RMST: variants seen among roughly 807,000 people sequenced by gnomAD.
RMST encodes long intergenic non-protein coding RNA 54.
intron 5 of RMST, among the ~76,000 whole-genome samples, chr12:97,467,587 T>C (rs746036116): frequency 3.3e-5 from 5 of 152,034 alleles, no homozygotes; most frequent in Admixed American, 1.3e-4. Flanking sequence ...CATTATCCTC[T>C]CCTGATATGT....
At chr12:97,497,217 A>G (rs1374327020) in intron 10 of RMST, among the ~76,000 whole-genome samples, 2 of 152,200 alleles carry the variant, frequency 1.3e-5, no homozygotes, top group Non-Finnish European at 2.9e-5. Flanking sequence ...TTTTAGCAAG[A>G]AAAATATGAA....
chr12:97,490,952 G>T (rs1876727859), intron 5 of RMST, among the ~76,000 whole-genome samples: 1 of 152,114 alleles, frequency 6.6e-6, no homozygotes, highest in Non-Finnish European at 1.5e-5. Context: ...GAAAAACAAT[G>T]AGCTACTCCC....
intron 10 of RMST, among the ~76,000 whole-genome samples, chr12:97,516,965 A>G (rs1404704114): frequency 6.6e-6 from 1 of 152,024 alleles, no homozygotes; most frequent in Non-Finnish European, 1.5e-5. Flanking sequence ...TATGAGTTGT[A>G]TAGTCTTATG....
At chr12:97,516,294 T>C (rs1592721457) in intron 10 of RMST, among the ~76,000 whole-genome samples, 1 of 152,066 alleles carries the variant, frequency 6.6e-6, no homozygotes, top group East Asian at 1.9e-4. Context: ...TTGTAAACCA[T>C]GGCTTTGAAA....
At chr12:97,529,246 A>G (rs761971820) in intron 10 of RMST, among the ~76,000 whole-genome samples, 12 of 152,082 alleles carry the variant, frequency 7.9e-5, no homozygotes, top group Non-Finnish European at 1.5e-4. Flanking sequence ...CTTAGGTTGC[A>G]TCTAAATACA....
At chr12:97,537,690 G>GGTGA (rs1284143510) in intron 11 of RMST, among the ~76,000 whole-genome samples, 6 of 151,462 alleles carry the variant, frequency 4.0e-5, no homozygotes, top group Non-Finnish European at 8.9e-5. Context: ...ATACTAATTA[G>GGTGA]GTGAGACAGA....
chr12:97,503,934 C>G (rs988208074), intron 10 of RMST, among the ~76,000 whole-genome samples: 6 of 150,638 alleles, frequency 4.0e-5, no homozygotes, highest in African/African-American at 1.5e-4. Context: ...TTTTTTTTTT[C>G]TTCTTTTCTG....
intron 10 of RMST, among the ~76,000 whole-genome samples, chr12:97,511,940 T>C (rs1268397058): frequency 6.6e-6 from 1 of 152,226 alleles, no homozygotes; most frequent in African/African-American, 2.4e-5. Flanking sequence ...ATTCAATAGT[T>C]ATGTGTCCGG....
chr12:97,508,664 T>C (rs544803811), intron 10 of RMST, among the ~76,000 whole-genome samples: 3 of 152,314 alleles, frequency 2.0e-5, no homozygotes, highest in African/African-American at 4.8e-5. Context: ...AACTTTTTTG[T>C]TGTTGTTGTG....
At chr12:97,560,060 T>C (rs112987241) in intron 11 of RMST, among the ~76,000 whole-genome samples, 3 of 152,306 alleles carry the variant, frequency 2.0e-5, no homozygotes, top group African/African-American at 7.2e-5. Flanking sequence ...CATTTGCTTT[T>C]CCCATGTGCT....
At chr12:97,485,206 A>C (rs193165136) in intron 5 of RMST, among the ~76,000 whole-genome samples, 36 of 152,338 alleles carry the variant, frequency 2.4e-4, no homozygotes, top group Non-Finnish European at 3.5e-4. Flanking sequence ...GTTATACCAT[A>C]GAGTCATTTG....
chr12:97,514,447 G>A (rs536075099), intron 10 of RMST, among the ~76,000 whole-genome samples: 205 of 152,278 alleles, frequency 1.3e-3, no homozygotes, highest in Non-Finnish European at 2.6e-3. Flanking sequence ...TTGGAGATTT[G>A]CCTGTTTAAA....
At chr12:97,527,245 C>T (rs977447585) in intron 10 of RMST, among the ~76,000 whole-genome samples, 4 of 152,152 alleles carry the variant, frequency 2.6e-5, no homozygotes, top group African/African-American at 7.2e-5. Flanking sequence ...AGAGAGGAGC[C>T]GTGTGGATCC....
intron 5 of RMST, among the ~76,000 whole-genome samples, chr12:97,473,936 T>C (rs1303236627): frequency 7.9e-5 from 12 of 152,106 alleles, no homozygotes; most frequent in Non-Finnish European, 7.4e-5. Flanking sequence ...TATTCTCTTC[T>C]TTTCTCTGGT....
At chr12:97,529,058 A>G (rs1881394838) in intron 10 of RMST, among the ~76,000 whole-genome samples, 1 of 152,108 alleles carries the variant, frequency 6.6e-6, no homozygotes, top group South Asian at 2.1e-4. Context: ...ACTCTCAGCA[A>G]GATATCTATA....
chr12:97,475,932 G>A (rs561623350), intron 5 of RMST, among the ~76,000 whole-genome samples: 5 of 152,222 alleles, frequency 3.3e-5, no homozygotes, highest in South Asian at 2.1e-4. Context: ...TTTCACCCAC[G>A]TTGCTGCATC....
chr12:97,512,780 C>T (rs531786773), intron 10 of RMST, among the ~76,000 whole-genome samples: 2 of 152,350 alleles, frequency 1.3e-5, no homozygotes, highest in South Asian at 2.1e-4. Flanking sequence ...CCGCGCCCTG[C>T]GCCTGCACTC....
intron 5 of RMST, among the ~76,000 whole-genome samples, chr12:97,470,106 T>C (rs1048325751): frequency 6.6e-6 from 1 of 152,140 alleles, no homozygotes; most frequent in Non-Finnish European, 1.5e-5. Context: ...AAACCTTCAA[T>C]GTCTGGGTCA....
chr12:97,562,891 T>A (rs1052460518), intron 13 of RMST, among the ~76,000 whole-genome samples: 13 of 152,210 alleles, frequency 8.5e-5, no homozygotes, highest in African/African-American at 2.4e-4. Context: ...TTGTTTCTTT[T>A]ATTTGAATTT....
Sources: gnomAD v4.1 joint callset for allele counts (sites outside exome capture counted in the v4.1 genomes callset) on GRCh38, gnomAD v4.1.1 for gene constraint, MANE v1.5 for transcripts, NCBI Gene and HGNC (gene_info 2026-07-23, HGNC 2026-07-21) for gene names.